Variants in PTPRD observed in about 807,000 individuals in gnomAD.
The protein encoded by PTPRD is receptor-type tyrosine-protein phosphatase delta.
In PTPRD, 34 loss-of-function variants were observed where a neutral mutation model predicts 214.5. The observed-to-expected ratio is 0.16, with a 90% confidence interval of 0.12 to 0.21. PTPRD has a LOEUF of 0.21. PTPRD is among the 10% of genes least tolerant of loss of function. The pLI is 1.00. For missense variants in PTPRD, 2,545 were observed against 2,398.7 expected, an observed-to-expected ratio of 1.06 and a Z score of -1.27; for synonymous variants, 1,128 against 845.7, an observed-to-expected ratio of 1.33 and a Z score of -5.79.
At chr9:8,514,828 G>A (rs898566238) in intron 21 of PTPRD, among the ~76,000 whole-genome samples, 1 of 152,148 alleles carries the variant, frequency 6.6e-6, no homozygotes, top group East Asian at 1.9e-4. Flanking sequence ...ATGTGTCAAA[G>A]AAGGGACCTG....
chr9:8,665,219 G>A (rs976596180), intron 12 of PTPRD, among the ~76,000 whole-genome samples: 12 of 152,172 alleles, frequency 7.9e-5, no homozygotes, highest in Admixed American at 2.6e-4. Context: ...ATGAAAAACA[G>A]AAACAAATAT....
chr9:8,443,410 GAGCTTTTTAA>G (rs1470911901), intron 34 of PTPRD, among the ~76,000 whole-genome samples: 1 of 152,202 alleles, frequency 6.6e-6, no homozygotes. Flanking sequence ...GACAGCTCAA[GAGCTTTTTAA>G]AGCTTATTCA....
At chr9:8,772,879 C>T (rs535471884) in intron 11 of PTPRD, among the ~76,000 whole-genome samples, 4 of 151,974 alleles carry the variant, frequency 2.6e-5, no homozygotes, top group African/African-American at 7.2e-5. Flanking sequence ...GCTTTTTGTT[C>T]TGAGATTCAG....
intron 9 of PTPRD, among the ~76,000 whole-genome samples, chr9:9,218,257 C>T (rs552758063): frequency 6.6e-6 from 1 of 152,176 alleles, no homozygotes; most frequent in South Asian, 2.1e-4. Flanking sequence ...TTATATTTTT[C>T]TAATCAAGCC....
chr9:9,984,734 G>A (rs955371537), intron 4 of PTPRD, among the ~76,000 whole-genome samples: 18 of 152,058 alleles, frequency 1.2e-4, no homozygotes, highest in African/African-American at 4.3e-4. Context: ...AAGACCTTGG[G>A]ACACAAACCT....
intron 12 of PTPRD, among the ~76,000 whole-genome samples, chr9:8,639,973 C>G (rs2096537472): frequency 6.6e-6 from 1 of 152,134 alleles, no homozygotes; most frequent in South Asian, 2.1e-4. Context: ...GTCTGTCATT[C>G]AGGCTTCAGT....
intron 2 of PTPRD, among the ~76,000 whole-genome samples, chr9:10,425,776 G>C (rs188773988): frequency 1.1e-3 from 169 of 151,976 alleles, no homozygotes; most frequent in Admixed American, 5.3e-3. Flanking sequence ...AATCAAGAAG[G>C]TGTAAAAATT....
intron 3 of PTPRD, among the ~76,000 whole-genome samples, chr9:10,222,686 G>C (rs554388688): frequency 6.6e-6 from 1 of 152,000 alleles, no homozygotes; most frequent in Non-Finnish European, 1.5e-5. Context: ...GTGGCTCATC[G>C]AGGTAAATAC....
At chr9:9,236,335 T>C (rs1241129840) in intron 9 of PTPRD, among the ~76,000 whole-genome samples, 1 of 152,108 alleles carries the variant, frequency 6.6e-6, no homozygotes, top group Non-Finnish European at 1.5e-5. Flanking sequence ...TTCTGATACC[T>C]ATGGGAAAAT....
At chr9:9,151,905 C>T (rs1330599808) in intron 10 of PTPRD, among the ~76,000 whole-genome samples, 2 of 152,184 alleles carry the variant, frequency 1.3e-5, no homozygotes, top group Admixed American at 6.5e-5. Context: ...TCATTTCTAA[C>T]AATGTGTTCA....
chr9:9,925,258 A>G (rs2083867263), intron 5 of PTPRD, among the ~76,000 whole-genome samples: 1 of 152,104 alleles, frequency 6.6e-6, no homozygotes, highest in Non-Finnish European at 1.5e-5. Context: ...AGTTCTTATT[A>G]CAGGGTAGGA....
chr9:9,921,723 A>T (rs2082590716), intron 5 of PTPRD, among the ~76,000 whole-genome samples: 1 of 151,354 alleles, frequency 6.6e-6, no homozygotes, highest in Non-Finnish European at 1.5e-5. Context: ...TTATGGGAAA[A>T]TAATTTTTAA....
chr9:9,723,658 T>C (rs1177494569), intron 7 of PTPRD, among the ~76,000 whole-genome samples: 2 of 152,068 alleles, frequency 1.3e-5, no homozygotes, highest in African/African-American at 2.4e-5. Flanking sequence ...AATCCATGAA[T>C]ATATTTTTTC....
chr9:9,945,235 CT>C (rs2092381714), intron 4 of PTPRD, among the ~76,000 whole-genome samples: 1 of 151,918 alleles, frequency 6.6e-6, no homozygotes, highest in South Asian at 2.1e-4. Flanking sequence ...TTGAATAAAA[CT>C]AATAGGGAGG....
intron 11 of PTPRD, among the ~76,000 whole-genome samples, chr9:8,791,641 G>A (rs1335789167): frequency 6.6e-6 from 1 of 151,118 alleles, no homozygotes; most frequent in African/African-American, 2.4e-5. Flanking sequence ...GATTCTGGAG[G>A]AGAGAAATCC....
At chr9:10,401,265 C>T (rs927938782) in intron 2 of PTPRD, among the ~76,000 whole-genome samples, 6 of 151,580 alleles carry the variant, frequency 4.0e-5, no homozygotes, top group East Asian at 2.0e-4. Context: ...GCAGTAGCAT[C>T]GCTGGAAATA....
At chr9:8,420,941 G>A (rs2094318663) in intron 35 of PTPRD, among the ~76,000 whole-genome samples, 1 of 151,934 alleles carries the variant, frequency 6.6e-6, no homozygotes, top group Non-Finnish European at 1.5e-5. Flanking sequence ...ATCACTGTCA[G>A]GGAGCTTGAT....
chr9:9,341,400 G>C (rs1209015614), intron 9 of PTPRD, among the ~76,000 whole-genome samples: 3 of 152,102 alleles, frequency 2.0e-5, no homozygotes, highest in Admixed American at 2.0e-4. Flanking sequence ...GCAGGTGTCT[G>C]TTAGTACCCC....
chr9:10,470,504 G>C (rs2099023315), intron 2 of PTPRD, among the ~76,000 whole-genome samples: 2 of 152,108 alleles, frequency 1.3e-5, no homozygotes, highest in Admixed American at 1.3e-4. Flanking sequence ...TGTAATGAAA[G>C]TATGAAGACT....
Sources: gnomAD v4.1 joint callset for allele counts (sites outside exome capture counted in the v4.1 genomes callset) on GRCh38, gnomAD v4.1.1 for gene constraint, MANE v1.5 for transcripts, NCBI Gene and HGNC (gene_info 2026-07-23, HGNC 2026-07-21) for gene names.